NEK7: variants seen among roughly 807,000 people sequenced by gnomAD.
The protein encoded by NEK7 is serine/threonine-protein kinase Nek7.
NEK7 carries 18 observed loss-of-function variants against 44.6 expected under a neutral mutation model. The observed-to-expected ratio is 0.40, with a 90% CI of 0.28 to 0.60. The LOEUF is 0.60. Among genes scored for constraint, NEK7 ranks in the 20% least tolerant of loss-of-function variants. The probability of loss-of-function intolerance (pLI) is 0.38; values close to 1 mark genes in which losing one functional copy is unlikely to be tolerated. For missense variants in NEK7, 256 were observed against 366.5 expected, an observed-to-expected ratio of 0.70 and a Z score of 2.46; for synonymous variants, 130 against 121.1, an observed-to-expected ratio of 1.07 and a Z score of -0.48.
intron 9 of NEK7, among the ~76,000 whole-genome samples, chr1:198,301,459 A>T (rs1378311651): frequency 6.6e-6 from 1 of 152,218 alleles, no homozygotes; most frequent in East Asian, 1.9e-4. Flanking sequence ...CTGAGGCGGG[A>T]GAATGGCGTG....
At chr1:198,193,578 G>T (rs150252538) in intron 1 of NEK7, among the ~76,000 whole-genome samples, 1 of 152,086 alleles carries the variant, frequency 6.6e-6, no homozygotes, top group Non-Finnish European at 1.5e-5. Flanking sequence ...CTGGCAAACC[G>T]AATACAGCAG....
At chr1:198,261,427 G>A (rs1388578580) in intron 3 of NEK7, among the ~76,000 whole-genome samples, 1 of 151,906 alleles carries the variant, frequency 6.6e-6, no homozygotes, top group Non-Finnish European at 1.5e-5. Flanking sequence ...AGATTGCAAT[G>A]AAGTTTAAAG....
chr1:198,229,698 AAC>A (rs1481892679), intron 1 of NEK7, among the ~76,000 whole-genome samples: 23 of 152,308 alleles, frequency 1.5e-4, no homozygotes, highest in Admixed American at 1.0e-3. Context: ...GCAGAGGAAA[AAC>A]ACAGTTTGTG....
At chr1:198,271,027 A>G (rs1269945235) in intron 5 of NEK7, among the ~76,000 whole-genome samples, 3 of 151,970 alleles carry the variant, frequency 2.0e-5, no homozygotes, top group Non-Finnish European at 4.4e-5. Context: ...AACTGGGGGT[A>G]TCCTTAGGTT....
Position 198,319,822 on chromosome 1 carries a change from TAGA to T in NEK7, c.*301_*303del. On this transcript the variant is annotated 3_prime_UTR_variant, in exon 10 of 10. Transcript: ENST00000367385. Reference sequence around the variant, plus strand: ...TTTCTGCTGATAAATTGTGTTTAGATAGACTGTCAGTGCCAAATATTGAAGGTG... The same window carrying T: ...TTTCTGCTGATAAATTGTGTTTAGATCTGTCAGTGCCAAATATTGAAGGTG... 4.6e-6 allele frequency: 1 copy of T among 218,022 alleles called. No homozygotes were observed. Among genetic ancestry groups the T allele is most frequent in the Non-Finnish European group, 9.1e-6 (1 of 109,348 alleles). The allele number at this position is 218,022 out of a possible 1,614,324, so 13.5% of individuals were successfully genotyped here. A position where few individuals can be genotyped will look rare whatever the true frequency, so the allele number is the denominator to read the frequency against.
intron 7 of NEK7, among the ~76,000 whole-genome samples, chr1:198,291,812 G>C (rs1333483225): frequency 2.6e-5 from 4 of 151,964 alleles, no homozygotes; most frequent in Admixed American, 2.6e-4. Flanking sequence ...ATAACTATTA[G>C]GTTATAACTT....
chr1:198,276,428 A>C (rs919262790), intron 5 of NEK7, among the ~76,000 whole-genome samples: 2 of 151,680 alleles, frequency 1.3e-5, no homozygotes, highest in Non-Finnish European at 3.0e-5. Flanking sequence ...GGGAGAGCAC[A>C]TATACAGGGT....
chr1:198,234,966 A>G (rs1666505173), intron 2 of NEK7, among the ~76,000 whole-genome samples: 1 of 152,208 alleles, frequency 6.6e-6, no homozygotes, highest in African/African-American at 2.4e-5. Context: ...CAGTAGCATT[A>G]TTTTAGAAGA....
chr1:198,173,712 A>G (rs977716566), intron 1 of NEK7, among the ~76,000 whole-genome samples: 2 of 152,156 alleles, frequency 1.3e-5, no homozygotes, highest in African/African-American at 4.8e-5. Context: ...GCTGTCAATT[A>G]TATAATTTCA....
chr1:198,315,690 T>G (rs777067270), intron 9 of NEK7, among the ~76,000 whole-genome samples: 1 of 152,164 alleles, frequency 6.6e-6, no homozygotes, highest in Non-Finnish European at 1.5e-5. Flanking sequence ...TGCTGACGGT[T>G]AGGCAGGTGG....
chr1:198,263,061 TAGAC>T (rs747268988), intron 4 of NEK7, among the ~76,000 whole-genome samples: 17 of 152,078 alleles, frequency 1.1e-4, no homozygotes, highest in Middle Eastern at 3.4e-3. Flanking sequence ...TTTCCAGACT[TAGAC>T]AGAGTGCATG....
intron 1 of NEK7, among the ~76,000 whole-genome samples, chr1:198,167,193 G>T (rs1664293000): frequency 6.6e-6 from 1 of 152,138 alleles, no homozygotes; most frequent in African/African-American, 2.4e-5. Context: ...CCTCTGACAT[G>T]CAGGTTCTTC....
At chr1:198,202,579 T>A (rs2102795383) in intron 1 of NEK7, among the ~76,000 whole-genome samples, 1 of 152,312 alleles carries the variant, frequency 6.6e-6, no homozygotes, top group Non-Finnish European at 1.5e-5. Flanking sequence ...TATTAGTCTG[T>A]TCTGAAAAAG....
intron 1 of NEK7, among the ~76,000 whole-genome samples, chr1:198,225,203 T>TA (rs1281680453): frequency 7.4e-6 from 1 of 135,246 alleles, no homozygotes; most frequent in Non-Finnish European, 1.6e-5. Context: ...TAAAAAATTA[T>TA]AAAAAAATTT....
In NEK7 at chr1:198,241,683, C is replaced by T. The variant is rs777793659; in HGVS notation, c.57+9046C>T. Among the ~76,000 whole-genome samples, 4 of 152,164 alleles carry T rather than the reference C, an allele frequency of 2.6e-5. 1 individual carries two copies. The highest frequency in any genetic ancestry group is 6.5e-5 in the Admixed American group (1 of 15,278). ...GCTCTGAAGTCATATTGGCTGGGAT[C>T]AGTTCTTAGTCCCTCACTTCCTAGC... On this transcript the variant is annotated intron_variant, in intron 2 of 9. Coordinates refer to ENST00000367385, the MANE Select transcript of NEK7 (RefSeq NM_133494.3).
At chr1:198,189,439 A>G (rs1035069718) in intron 1 of NEK7, among the ~76,000 whole-genome samples, 1 of 152,196 alleles carries the variant, frequency 6.6e-6, no homozygotes, top group African/African-American at 2.4e-5. Context: ...GTAGGATACT[A>G]CTAAGTAGAA....
chr1:198,163,131 T>C (rs190892330), intron 1 of NEK7, among the ~76,000 whole-genome samples: 25 of 152,316 alleles, frequency 1.6e-4, no homozygotes, highest in African/African-American at 6.0e-4. Context: ...GAAAAATTGT[T>C]ATACTTCTAA....
At chr1:198,235,757 TAGA>T (rs1666529785) in intron 2 of NEK7, among the ~76,000 whole-genome samples, 1 of 152,156 alleles carries the variant, frequency 6.6e-6, no homozygotes, top group South Asian at 2.1e-4. Context: ...TGCGAGTTAT[TAGA>T]AGGAGGATTA....
intron 2 of NEK7, among the ~76,000 whole-genome samples, chr1:198,243,942 A>G (rs1275852444): frequency 1.3e-5 from 2 of 149,758 alleles, no homozygotes; most frequent in African/African-American, 2.5e-5. Flanking sequence ...TGTAGAAAAT[A>G]TGACAGGAGG....
Sources: gnomAD v4.1 joint callset for allele counts (sites outside exome capture counted in the v4.1 genomes callset) on GRCh38, gnomAD v4.1.1 for gene constraint, MANE v1.5 for transcripts, NCBI Gene and HGNC (gene_info 2026-07-23, HGNC 2026-07-21) for gene names.